The following CYP2C19 variants were observed in gnomAD, a reference collection of about 807,000 sequenced individuals.
CYP2C19 encodes cytochrome P450 family 2 subfamily C member 19, also known as cytochrome P450 2C19.
CYP2C19 carries 59 observed loss-of-function variants against 40.9 expected under a neutral mutation model. That is an observed-to-expected ratio of 1.44 (90% CI 1.17 to 1.79). CYP2C19 has a LOEUF of 1.79. CYP2C19 is among the 40% of genes most tolerant of loss of function. The pLI, the probability that CYP2C19 is intolerant of heterozygous loss-of-function variation, is 0.00. For synonymous variants in CYP2C19, 253 were observed against 208.7 expected, an observed-to-expected ratio of 1.21 and a Z score of -1.83; for missense variants, 754 against 596.9, an observed-to-expected ratio of 1.26 and a Z score of -2.74.
At chr10:94,785,243 C>A (rs1848526569) in intron 5 of CYP2C19, among the ~76,000 whole-genome samples, 1 of 152,032 alleles carries the variant, frequency 6.6e-6, no homozygotes, top group African/African-American at 2.4e-5. Flanking sequence ...AATATGAAGT[C>A]ATGAAGATTT....
chr10:94,801,201 A>G (rs887523149), intron 5 of CYP2C19, among the ~76,000 whole-genome samples: 12 of 152,184 alleles, frequency 7.9e-5, no homozygotes, highest in Non-Finnish European at 1.5e-4. Flanking sequence ...CTGATTTTAG[A>G]TCTTTCATGC....
At chr10:94,828,492 C>CT (rs879445634) in intron 6 of CYP2C19, among the ~76,000 whole-genome samples, 7,812 of 142,604 alleles carry the variant, frequency 0.055, 212 homozygotes, top group South Asian at 0.076. Flanking sequence ...CAACCCCTGC[C>CT]TTTTTTTGTT....
intron 1 of CYP2C19, chr10:94,774,038 T>C (rs1263199140): frequency 6.6e-6 from 1 of 152,166 alleles, no homozygotes; most frequent in Non-Finnish European, 1.5e-5. Flanking sequence ...GATTGGTGCA[T>C]TTACAAACCT....
At chr10:94,791,272 T>A (rs1213509133) in intron 5 of CYP2C19, among the ~76,000 whole-genome samples, 1 of 151,962 alleles carries the variant, frequency 6.6e-6, no homozygotes, top group Non-Finnish European at 1.5e-5. Context: ...TCCTTTATTA[T>A]TTTTGCTAGC....
At chr10:94,780,431 G>A in intron 3 of CYP2C19, 68 bp from the exon 4 acceptor site, 2 of 1,579,252 alleles carry the variant, frequency 1.3e-6, no homozygotes, top group South Asian at 1.2e-5. Context: ...ATTATTATCT[G>A]TTAACAAATA....
intron 5 of CYP2C19, among the ~76,000 whole-genome samples, chr10:94,785,632 C>T (rs1443792654): frequency 2.0e-5 from 3 of 152,086 alleles, no homozygotes; most frequent in South Asian, 2.1e-4. Context: ...ATTACTTAGG[C>T]AGAGAGTAAG....
At chr10:94,789,093 C>T (rs1451036770) in intron 5 of CYP2C19, among the ~76,000 whole-genome samples, 2 of 152,046 alleles carry the variant, frequency 1.3e-5, no homozygotes, top group East Asian at 1.9e-4. Flanking sequence ...CTTCTAATGA[C>T]CAGTGATGAC....
chr10:94,767,242 G>A (rs888886842), intron 1 of CYP2C19, among the ~76,000 whole-genome samples: 4 of 152,014 alleles, frequency 2.6e-5, no homozygotes, highest in Admixed American at 6.5e-5. Flanking sequence ...TGTTTTATTT[G>A]CCTTCTTGAC....
rs1848484935 is a variant in CYP2C19 at position 94,781,936 on chromosome 10, A to T, written c.758A>T (p.Glu253Val). The T allele has an allele frequency of 1.3e-6, 2 of 1,512,816 alleles. No homozygotes were observed. Among genetic ancestry groups the T allele is most frequent in the Non-Finnish European group, 1.8e-6 (2 of 1,142,110 alleles). The allele number at this position is 1,512,816 out of a possible 1,614,324, so 93.7% of individuals were successfully genotyped here. The change falls in exon 5 of 9, where the codon GAA becomes GTA. Residue 253 changes from glutamate to valine, a missense_variant. By Grantham distance (121) the Glu-to-Val change is moderately radical (BLOSUM62 -2). Coordinates refer to ENST00000371321, the MANE Select transcript of CYP2C19 (RefSeq NM_000769.4). ...DILEKVKEHQ[E>V]SMDINNPRDF... Reference sequence around the variant, plus strand: ...TTGGAGAAAGTAAAAGAACACCAAGAATCGATGGACATCAACAACCCTCGG... The same window carrying T: ...TTGGAGAAAGTAAAAGAACACCAAGTATCGATGGACATCAACAACCCTCGG...
chr10:94,765,892 G>A (rs930545792), intron 1 of CYP2C19, among the ~76,000 whole-genome samples: 1 of 152,086 alleles, frequency 6.6e-6, no homozygotes, highest in Non-Finnish European at 1.5e-5. Flanking sequence ...CTGATAACAG[G>A]TTGCATTGCA....
At chr10:94,782,037 G>C in intron 5 of CYP2C19, 40 bp downstream of exon 5, 4 of 1,480,484 alleles carry the variant, frequency 2.7e-6, no homozygotes, top group Non-Finnish European at 3.6e-6. Flanking sequence ...GACTGCTTGC[G>C]TATTTGTGAT....
chr10:94,805,839 T>G (rs1219700342), intron 5 of CYP2C19, among the ~76,000 whole-genome samples: 1 of 152,210 alleles, frequency 6.6e-6, no homozygotes, highest in African/African-American at 2.4e-5. Context: ...CCTTATAAAG[T>G]TGGCCTATCA....
rs1564662667 is a variant in CYP2C19, at chr10:94,779,571, T to TTTTCTTTTCTTTTCTTTTCTTTTC, written c.482-925_482-924insCTTTTCTTTTCTTTTCTTTTCTTT. On this transcript the variant is annotated intron_variant, in intron 3 of 8. Transcript: ENST00000371321. ...TTTCCTTTTTCTTTTCTTTTCTTTTTTTTTTTTTGAGTTGGAGTCTCACTC... is the reference window on the plus strand; with the variant it reads ...TTTCCTTTTTCTTTTCTTTTCTTTTTTTTCTTTTCTTTTCTTTTCTTTTCTTTTTTTTGAGTTGGAGTCTCACTC... Among the ~76,000 whole-genome samples, 6 of 2,776 alleles carry TTTTCTTTTCTTTTCTTTTCTTTTC rather than the reference T, an allele frequency of 2.2e-3. No individual in the cohort carries two copies. In the South Asian group the frequency reaches 0.065, roughly 30 times the overall value. The allele number at this position is 2,776 out of a possible 152,430, so 1.8% of individuals were successfully genotyped here.
At chr10:94,790,081 T>C (rs919187226) in intron 5 of CYP2C19, among the ~76,000 whole-genome samples, 10 of 152,132 alleles carry the variant, frequency 6.6e-5, no homozygotes, top group Admixed American at 3.9e-4. Context: ...TTTGGATTCC[T>C]AGGTATTTTA....
chr10:94,822,682 C>T (rs1231832421), intron 6 of CYP2C19, among the ~76,000 whole-genome samples: 1 of 152,168 alleles, frequency 6.6e-6, no homozygotes, highest in Non-Finnish European at 1.5e-5. Flanking sequence ...AGTTTGCATA[C>T]CCACCAGCAG....
intron 5 of CYP2C19, among the ~76,000 whole-genome samples, chr10:94,800,913 G>A (rs1429470089): frequency 2.0e-5 from 3 of 152,136 alleles, no homozygotes; most frequent in Admixed American, 6.5e-5. Flanking sequence ...GCTTTTCCAG[G>A]TATCATCTCT....
At chr10:94,808,982 TA>T (rs1848874827) in intron 5 of CYP2C19, among the ~76,000 whole-genome samples, 1 of 152,186 alleles carries the variant, frequency 6.6e-6, no homozygotes, top group Admixed American at 6.5e-5. Context: ...TTGGTAACTT[TA>T]TTTTTAGTTT....
intron 5 of CYP2C19, among the ~76,000 whole-genome samples, chr10:94,800,211 G>A (rs975481221): frequency 6.6e-6 from 1 of 152,182 alleles, no homozygotes; most frequent in African/African-American, 2.4e-5. Flanking sequence ...TTTTGTTGAT[G>A]TTGATGCTAT....
chr10:94,823,782 C>T (rs1849166554), intron 6 of CYP2C19, among the ~76,000 whole-genome samples: 1 of 152,172 alleles, frequency 6.6e-6, no homozygotes, highest in South Asian at 2.1e-4. Context: ...TCTATTGTCC[C>T]TTTCTCAGAA....
Sources: gnomAD v4.1 joint callset for allele counts (sites outside exome capture counted in the v4.1 genomes callset) on GRCh38, gnomAD v4.1.1 for gene constraint, MANE v1.5 for transcripts, NCBI Gene and HGNC (gene_info 2026-07-23, HGNC 2026-07-21) for gene names.